CHLSN: variants seen among roughly 807,000 people sequenced by gnomAD.
CHLSN encodes cholesin, also known as protein cholesin.
At chr7:1,018,388 G>A in the CHLSN span, among the ~76,000 whole-genome samples, 12 of 152,360 alleles carry the variant, frequency 7.9e-5, no homozygotes, top group South Asian at 2.1e-4. Context: ...CTCAAAGTCC[G>A]CCTGGCTCCG....
the CHLSN span, among the ~76,000 whole-genome samples, chr7:1,024,025 G>A: frequency 6.6e-6 from 1 of 152,164 alleles, no homozygotes; most frequent in African/African-American, 2.4e-5. Flanking sequence ...ATTTTTTATA[G>A]AGATAGGACC....
the CHLSN span, among the ~76,000 whole-genome samples, chr7:1,131,183 C>G: frequency 9.3e-6 from 1 of 107,042 alleles, no homozygotes; most frequent in African/African-American, 4.1e-5. Context: ...AGAATGAGAC[C>G]TTGTGTTTAA....
the CHLSN span, among the ~76,000 whole-genome samples, chr7:1,012,584 G>A: frequency 7.2e-5 from 11 of 152,248 alleles, no homozygotes; most frequent in East Asian, 1.9e-4. Flanking sequence ...CCCAATTCCC[G>A]TGTCCCCGAG....
At chr7:1,121,150 G>C in the CHLSN span, among the ~76,000 whole-genome samples, 1 of 152,226 alleles carries the variant, frequency 6.6e-6, no homozygotes, top group Non-Finnish European at 1.5e-5. Context: ...ACAAGTTCTC[G>C]GGGTCTCAGT....
the CHLSN span, among the ~76,000 whole-genome samples, chr7:1,062,475 G>A: frequency 2.6e-5 from 4 of 152,158 alleles, no homozygotes; most frequent in South Asian, 2.1e-4. Flanking sequence ...CTTCACACAC[G>A]CCCGGCACGC....
the CHLSN span, among the ~76,000 whole-genome samples, chr7:1,067,022 C>G: frequency 6.7e-6 from 1 of 149,450 alleles, no homozygotes; most frequent in South Asian, 2.1e-4. Context: ...TGGAGTACAC[C>G]CCAGAGGTGA....
the CHLSN span, among the ~76,000 whole-genome samples, chr7:1,004,010 T>TGGAGTCCTGCGGGTGG: frequency 7.9e-6 from 1 of 126,154 alleles, no homozygotes; most frequent in Non-Finnish European, 1.7e-5. Flanking sequence ...TGTGGGTGAG[T>TGGAGTCCTGCGGGTGG]GGAGTCCTGC....
chr7:1,084,509 C>T, the CHLSN span, among the ~76,000 whole-genome samples: 1 of 152,376 alleles, frequency 6.6e-6, no homozygotes, highest in South Asian at 2.1e-4. Flanking sequence ...CAACCAACTG[C>T]TCCCTCCCTT....
the CHLSN span, among the ~76,000 whole-genome samples, chr7:1,016,504 CACAGCAGCGCACAGCAG>C: frequency 1.4e-5 from 2 of 139,848 alleles, no homozygotes; most frequent in Non-Finnish European, 3.1e-5. Context: ...CGCACAGCAG[CACAGCAGCGCACAGCAG>C]CACACACCAG....
chr7:1,127,267 G>A, the CHLSN span: 2 of 1,597,962 alleles, frequency 1.3e-6, no homozygotes, highest in Admixed American at 1.8e-5. Context: ...CTTGGAGCCG[G>A]CTCCTTCGCC....
At chr7:1,027,321 A>G in the CHLSN span, among the ~76,000 whole-genome samples, 2 of 152,240 alleles carry the variant, frequency 1.3e-5, no homozygotes, top group Non-Finnish European at 2.9e-5. Flanking sequence ...CCGTCTCTGC[A>G]GCCGTGAGGC....
At chr7:1,032,789 A>T in the CHLSN span, among the ~76,000 whole-genome samples, 1 of 152,236 alleles carries the variant, frequency 6.6e-6, no homozygotes. Flanking sequence ...CCAAGAGAAA[A>T]CACTGGTCGG....
chr7:987,086 C>A, the CHLSN span: 1 of 1,502,086 alleles, frequency 6.7e-7, no homozygotes. Flanking sequence ...ATCCCACGAG[C>A]CCTGCCCCAC....
the CHLSN span, among the ~76,000 whole-genome samples, chr7:1,016,758 CCAGCGCACAGCGCACAG>C: frequency 8.0e-5 from 8 of 100,610 alleles, no homozygotes; most frequent in Non-Finnish European, 9.4e-5. Flanking sequence ...GCAGCACACG[CCAGCGCACAGCGCACAG>C]CAGCGCACAG....
At chr7:1,103,613 A>AAATGAT in the CHLSN span, among the ~76,000 whole-genome samples, 2 of 152,226 alleles carry the variant, frequency 1.3e-5, no homozygotes. Flanking sequence ...AATTCAGACC[A>AAATGAT]CGCTTTCATT....
At chr7:1,017,237 A>C in the CHLSN span, among the ~76,000 whole-genome samples, 2 of 151,328 alleles carry the variant, frequency 1.3e-5, no homozygotes, top group African/African-American at 4.8e-5. Flanking sequence ...GAAAGGACCC[A>C]CTGTCTCTCA....
the CHLSN span, among the ~76,000 whole-genome samples, chr7:1,102,315 G>A: frequency 6.6e-6 from 1 of 152,230 alleles, no homozygotes; most frequent in Admixed American, 6.5e-5. Context: ...CTTCTCCACC[G>A]CGCAGTCCCA....
chr7:1,034,819 T>C, the CHLSN span, among the ~76,000 whole-genome samples: 1 of 121,678 alleles, frequency 8.2e-6, no homozygotes, highest in Admixed American at 1.0e-4. Context: ...TCAAATTCAC[T>C]CCTGTGTCTG....
At chr7:1,136,413 T>TATATAAATATATATAAAC in the CHLSN span, among the ~76,000 whole-genome samples, 1 of 30,680 alleles carries the variant, frequency 3.3e-5, no homozygotes, top group African/African-American at 1.7e-4. Context: ...TATATAAACA[T>TATATAAATATATATAAAC]ATATATAAAT....
Sources: allele counts gnomAD v4.1 joint callset (sites outside exome capture counted in the v4.1 genomes callset), GRCh38; gene constraint gnomAD v4.1.1; transcripts MANE v1.5; gene names NCBI Gene and HGNC (gene_info 2026-07-23, HGNC 2026-07-21).